The following PLXNA3 variants were observed in gnomAD, a reference collection of about 807,000 sequenced individuals.
The protein encoded by PLXNA3 is plexin A3, also known as plexin-A3.
A neutral mutation model predicts 118.8 loss-of-function variants in PLXNA3; 52 were observed. The observed-to-expected ratio is 0.44, with a 90% CI of 0.35 to 0.55. The LOEUF (loss-of-function observed/expected upper bound fraction) is 0.55. PLXNA3 is among the 20% of genes least tolerant of loss of function. The probability of loss-of-function intolerance (pLI) is 0.01; values close to 1 mark genes in which losing one functional copy is unlikely to be tolerated. For synonymous variants in PLXNA3, 925 were observed against 762.4 expected, an observed-to-expected ratio of 1.21 and a Z score of -3.51; for missense variants, 1,660 against 1,730.8, an observed-to-expected ratio of 0.96 and a Z score of 0.73.
chrX:154,462,039 C>T (rs1306874913), intron 3 of PLXNA3, 89 bp from the exon 4 acceptor site: 8 of 792,586 alleles, frequency 1.0e-5, no homozygotes, highest in Non-Finnish European at 1.4e-5. Context: ...GGTTCTAGAT[C>T]CCGCTCTCTT....
At chrX:154,464,102 G>A in intron 7 of PLXNA3, 28 bp downstream of exon 7, 1 of 1,209,579 alleles carries the variant, frequency 8.3e-7, no homozygotes, top group Non-Finnish European at 1.1e-6. Flanking sequence ...GCCCGGCTGG[G>A]TGTGCACATG....
At chrX:154,462,410 G>A in intron 4 of PLXNA3, 100 bp downstream of exon 4, 1 of 660,446 alleles carries the variant, frequency 1.5e-6, no homozygotes, top group Non-Finnish European at 2.1e-6. Context: ...CAGGACAGGA[G>A]AGGACACGGC....
At chrX:154,464,632 C>G in intron 9 of PLXNA3, 122 bp from the exon 10 acceptor site, 3 of 692,560 alleles carry the variant, frequency 4.3e-6, no homozygotes, top group East Asian at 7.0e-5. Context: ...CCCTGACATC[C>G]CCACATCTCT....
Position 154,460,711 on chromosome X carries a change from G to C in PLXNA3, c.528G>C (p.Glu176Asp). 8.8e-7 allele frequency: 1 copy of C among 1,142,259 alleles called. No homozygotes were observed. Among genetic ancestry groups the C allele is most frequent in the Admixed American group, 2.8e-5 (1 of 35,545 alleles). 94.1% of individuals were successfully genotyped at this position (1,142,259 alleles called of 1,213,427 possible). A position where few individuals can be genotyped will look rare whatever the true frequency, so the allele number is the denominator to read the frequency against. ...GCACTGCTGTCGACGGCAAGTCGGA[G>C]TACTTCCCCACCTTGAGCTCCCGCA... Reference protein sequence around the residue: ...FVGTAVDGKSEYFPTLSSRKL... With the variant: ...FVGTAVDGKSDYFPTLSSRKL... Residue 176 changes from glutamate (E) to aspartate (D), a missense_variant, in exon 2 of 33, where the codon GAG becomes GAC. Around this residue, in one of 2 missense-constraint regions of PLXNA3, gnomAD observed 791 missense variants for 652.1 expected, o/e 1.21. Coordinates refer to ENST00000369682, the MANE Select transcript of PLXNA3 (RefSeq NM_017514.5).
Position 154,461,374 on chromosome X carries a change from C to G in PLXNA3, c.870C>G (p.Arg290=), listed in dbSNP as rs782596126. ...GCTCCTGGCGCGGCGTGGAGTACCG[C>G]TTGGTGCAGAGCGCCCACCTGGCCA... ...IGCSWRGVEY[R]LVQSAHLAKP... is the part of the protein sequence containing the mutation. The change falls in exon 3 of 33, where the codon CGC becomes CGG. Residue 290 remains arginine, a synonymous_variant. Coordinates refer to ENST00000369682, the MANE Select transcript of PLXNA3 (RefSeq NM_017514.5). 2 of 1,211,240 alleles carry G rather than the reference C, an allele frequency of 1.7e-6. No individual in the cohort carries two copies. The highest frequency in any genetic ancestry group is 2.2e-6 in the Non-Finnish European group (2 of 895,397).
In PLXNA3 at chrX:154,467,405, C is replaced by T. The variant is rs1382226766; in HGVS notation, c.3375C>T (p.Pro1125=). 5.0e-6 allele frequency: 6 copies of T among 1,200,807 alleles called. No homozygotes were observed. Among genetic ancestry groups the T allele is most frequent in the Non-Finnish European group, 6.7e-6 (6 of 894,833 alleles). ...NRSSFTYYPD[P]SFEPLGPSGV... ...CCTCCTTTACCTACTACCCTGATCC[C>T]AGCTTTGAGCCGCTGGGGCCCTCTG... The change falls in exon 19 of 33, where the codon CCC becomes CCT. Residue 1125 remains proline (P), a synonymous_variant. Coordinates refer to ENST00000369682, the MANE Select transcript of PLXNA3 (RefSeq NM_017514.5).
rs781855853 is a variant in PLXNA3 at position 154,468,463 on chromosome X, G to A, written c.4124G>A (p.Arg1375Gln). Residue 1375 changes from arginine (R) to glutamine (Q), a missense_variant, in exon 23 of 33, where the codon CGG becomes CAG. Physicochemically the swap from Arg to Gln is conservative, Grantham distance 43. Coordinates refer to ENST00000369682, the MANE Select transcript of PLXNA3 (RefSeq NM_017514.5). ...CTCACCATGGTGGCCCTGCAGAGCC[G>A]GCTCGACTATGCCACGGGGCTGCTC... The part of the protein sequence containing the change: ...ASLTMVALQS[R>Q]LDYATGLLKQ... The A allele has an allele frequency of 1.7e-6, 2 of 1,211,320 alleles. No homozygotes were observed. The highest frequency in any genetic ancestry group is 2.2e-6 in the Non-Finnish European group (2 of 895,537).
chrX:154,461,160 A>G lies in PLXNA3; in HGVS notation c.656A>G (p.Tyr219Cys). 1 of 1,210,698 alleles carries G rather than the reference A, an allele frequency of 8.3e-7. No individual in the cohort carries two copies. The highest frequency in any genetic ancestry group is 1.8e-5 in the South Asian group (1 of 56,996). ...IKIPSDTLSL[Y>C]PAFDIYYIYG... ...ATCCCCTCAGACACGCTGTCCTTGT[A>G]CCCTGCCTTTGACATCTACTACATC... Residue 219 changes from tyrosine (Y) to cysteine (C), a missense_variant, in exon 3 of 33, where the codon TAC becomes TGC. By Grantham distance (194) the Tyr-to-Cys change is radical. Around this residue, in one of 2 missense-constraint regions of PLXNA3, gnomAD observed 791 missense variants for 652.1 expected, o/e 1.21. Coordinates refer to ENST00000369682, the MANE Select transcript of PLXNA3 (RefSeq NM_017514.5).
In PLXNA3 at chrX:154,467,365, G is replaced by C; in HGVS notation, c.3335G>C (p.Arg1112Pro). The C allele has an allele frequency of 8.3e-7, 1 of 1,204,371 alleles. No homozygotes were observed. Residue 1112 changes from arginine (R) to proline (P), a missense_variant, in exon 19 of 33, where the codon CGC (arginine) becomes CCC (proline). By Grantham distance (103) the Arg-to-Pro change is moderately radical. Around this residue, in one of 2 missense-constraint regions of PLXNA3, gnomAD observed 869 missense variants for 1,078.7 expected, o/e 0.81. Transcript: ENST00000369682. ...GFLLDHVQTA[R>P]SLNRSSFTYY... ...CTGCTGGACCACGTGCAAACGGCCC[G>C]CTCCCTCAACCGCTCCTCCTTTACC...
chrX:154,468,855 C>T lies in PLXNA3; in HGVS notation c.4320C>T (p.Tyr1440=). The T allele has an allele frequency of 2.5e-6, 3 of 1,211,691 alleles. No individual in the cohort carries two copies. The highest frequency in any genetic ancestry group is 3.0e-5 in the East Asian group (1 of 33,832). ...CTGGGGAGCCTCTCTTCCTGCTTTA[C>T]TGTGCCATCAAGCAGCAGATGGAGA... The part of the protein sequence containing the change: ...ECAGEPLFLL[Y]CAIKQQMEKG... The change falls in exon 25 of 33, where the codon TAC becomes TAT. Residue 1440 remains tyrosine (Y), a synonymous_variant. Coordinates refer to ENST00000369682, the MANE Select transcript of PLXNA3 (RefSeq NM_017514.5).
intron 1 of PLXNA3, 51 bp from the exon 2 acceptor site, chrX:154,460,106 C>G (rs1359798998): frequency 1.4e-6 from 1 of 706,650 alleles, no homozygotes; most frequent in Non-Finnish European, 2.2e-6. Context: ...GTGAATGGCC[C>G]AGCCCTCTGT....
chrX:154,465,946 CGTG>C lies in PLXNA3; in HGVS notation c.2546_2548del (p.Val849del), dbSNP rs1405154921. 8.3e-7 allele frequency: 1 copy of C among 1,210,263 alleles called. No individual in the cohort carries two copies. The highest frequency in any genetic ancestry group is 1.1e-6 in the Non-Finnish European group (1 of 895,228). On this transcript the variant is annotated inframe_deletion, in exon 14 of 33. Coordinates refer to ENST00000369682, the MANE Select transcript of PLXNA3 (RefSeq NM_017514.5). ...ATCCTGCTCCACAGATCCACCCTCT[CGTG>C]GGGCCCAAGGAAGGAGGCACCCGGG... is the stretch of plus-strand genomic sequence containing the variant.
intron 1 of PLXNA3, 149 bp from the exon 2 acceptor site, chrX:154,460,008 C>G (rs1557203037): frequency 2.3e-6 from 1 of 430,776 alleles, no homozygotes; most frequent in East Asian, 3.8e-5. Flanking sequence ...CAAGCCTGCC[C>G]TCGCTGGCTG....
chrX:154,465,334 C>G, intron 11 of PLXNA3, 90 bp from the exon 12 acceptor site: 1 of 1,038,479 alleles, frequency 9.6e-7, no homozygotes, highest in Non-Finnish European at 1.3e-6. Context: ...CTAGGGATTC[C>G]TGTACCTGGA....
Position 154,465,810 on chromosome X carries a change from A to C in PLXNA3, c.2495A>C (p.Gln832Pro). The C allele has an allele frequency of 8.3e-7, 1 of 1,207,625 alleles. No homozygotes were observed. Among genetic ancestry groups the C allele is most frequent in the Non-Finnish European group, 1.1e-6 (1 of 893,214 alleles). Residue 832 changes from glutamine (Q) to proline (P), a missense_variant, in exon 13 of 33, where the codon CAG becomes CCG. By Grantham distance (76) the Gln-to-Pro change is moderately conservative. Transcript: ENST00000369682. ...APKTNWMHLS[Q>P]KGTRCSHPRI... ...AAGACCAACTGGATGCACCTGAGCCAGAAGGGCACCCGGTGCAGCCACCCC... is the reference window on the plus strand; with the variant it reads ...AAGACCAACTGGATGCACCTGAGCCCGAAGGGCACCCGGTGCAGCCACCCC...
At chrX:154,463,726 G>C in intron 6 of PLXNA3, 36 bp downstream of exon 6, 1 of 1,087,300 alleles carries the variant, frequency 9.2e-7, no homozygotes, top group Admixed American at 2.5e-5. Flanking sequence ...GAGTTGGAGG[G>C]CCCCACTGGC....
Position 154,463,994 on chromosome X carries a change from G to A in PLXNA3, c.1591G>A (p.Gly531Ser), listed in dbSNP as rs781797741. The A allele has an allele frequency of 1.6e-5, 19 of 1,202,696 alleles. No homozygotes were observed. The highest frequency in any genetic ancestry group is 6.6e-5 in the Admixed American group (3 of 45,211). ...GACLGASAPHGFAEELSKCVQ... is the reference protein window; with the variant it reads ...GACLGASAPHSFAEELSKCVQ... Reference sequence around the variant, plus strand: ...CTGTCTGGGCGCCTCTGCCCCACACGGCTTTGCTGAGGAGCTGAGCAAGTG... The same window carrying A: ...CTGTCTGGGCGCCTCTGCCCCACACAGCTTTGCTGAGGAGCTGAGCAAGTG... Residue 531 changes from glycine (G) to serine (S), a missense_variant, in exon 7 of 33, where the codon GGC (glycine) becomes AGC (serine). This residue lies in a region of PLXNA3 where 791 missense variants were observed against 652.1 expected (regional missense o/e 1.21). Coordinates refer to ENST00000369682, the MANE Select transcript of PLXNA3 (RefSeq NM_017514.5).
In PLXNA3 at chrX:154,465,429, C is replaced by T; in HGVS notation, c.2250C>T (p.Ser750=). Residue 750 remains serine (S), a synonymous_variant, in exon 12 of 33, where the codon TCC becomes TCT. Coordinates refer to ENST00000369682, the MANE Select transcript of PLXNA3 (RefSeq NM_017514.5). ...SSVQCQNASY[S]YEGDEHGDTE... ...CATGGGTTCCTTTCCTCCAGTACTC[C>T]TATGAAGGTGATGAGCATGGTGACA... is the stretch of plus-strand genomic sequence containing the variant. The T allele has an allele frequency of 8.3e-7, 1 of 1,200,950 alleles. No homozygotes were observed. The highest frequency in any genetic ancestry group is 1.1e-6 in the Non-Finnish European group (1 of 886,016).
rs782062353 is a variant in PLXNA3 at position 154,467,377 on chromosome X, G to T, written c.3347G>T (p.Arg1116Leu). 6.6e-6 allele frequency: 8 copies of T among 1,203,560 alleles called. No individual in the cohort carries two copies. The highest frequency in any genetic ancestry group is 4.6e-4 in the Middle Eastern group (2 of 4,341). The change falls in exon 19 of 33, where the codon CGC (arginine) becomes CTC (leucine). Residue 1116 changes from arginine to leucine, a missense_variant. Arg to Leu is a moderately radical substitution (Grantham distance 102). Coordinates refer to ENST00000369682, the MANE Select transcript of PLXNA3 (RefSeq NM_017514.5). ...DHVQTARSLN[R>L]SSFTYYPDPS... Reference sequence around the variant, plus strand: ...GTGCAAACGGCCCGCTCCCTCAACCGCTCCTCCTTTACCTACTACCCTGAT... The same window carrying T: ...GTGCAAACGGCCCGCTCCCTCAACCTCTCCTCCTTTACCTACTACCCTGAT...
Sources: allele counts gnomAD v4.1 joint callset, GRCh38; gene constraint gnomAD v4.1.1; regional missense constraint gnomAD v4.1.1; transcripts MANE v1.5; gene names NCBI Gene and HGNC (gene_info 2026-07-23, HGNC 2026-07-21).